TRPM3: variants seen among roughly 807,000 people sequenced by gnomAD.
TRPM3 encodes transient receptor potential cation channel subfamily M member 3, also known as long transient receptor potential channel 3.
Under a neutral mutation model 181.2 loss-of-function variants are expected in TRPM3, and 77 were observed. The observed-to-expected ratio is 0.42, with a 90% confidence interval of 0.35 to 0.51. The LOEUF is 0.51. Among genes scored for constraint, TRPM3 ranks in the 20% least tolerant of loss-of-function variants. The pLI is 0.01. For synonymous variants in TRPM3, 745 were observed against 796.4 expected, an observed-to-expected ratio of 0.94 and a Z score of 1.09; for missense variants, 1,759 against 2,196.7, an observed-to-expected ratio of 0.80 and a Z score of 3.98.
chr9:71,444,675 T>C (rs7020319), intron 1 of TRPM3, among the ~76,000 whole-genome samples: 7,298 of 152,294 alleles, frequency 0.048, 385 homozygotes, highest in East Asian at 0.28. Context: ...ATGTCTGCTA[T>C]AAGCATTATG....
intron 1 of TRPM3, among the ~76,000 whole-genome samples, chr9:71,359,375 G>A (rs932973535): frequency 1.3e-5 from 2 of 152,156 alleles, no homozygotes; most frequent in African/African-American, 4.8e-5. Context: ...ATGAAGAAAG[G>A]GAATTTTAAA....
At chr9:71,211,320 C>A (rs1452107438) in intron 1 of TRPM3, among the ~76,000 whole-genome samples, 3 of 151,276 alleles carry the variant, frequency 2.0e-5, no homozygotes, top group Non-Finnish European at 2.9e-5. Context: ...CTTTGAAATT[C>A]ATTCTTTCTT....
chr9:70,864,639 G>C, intron 1 of TRPM3, 128 bp from the exon 2 acceptor site: 1 of 493,308 alleles, frequency 2.0e-6, no homozygotes, highest in Non-Finnish European at 3.3e-6. Context: ...AAATTGAACT[G>C]AAATTGTGAT....
At chr9:71,320,568 A>C (rs1444874649) in intron 1 of TRPM3, among the ~76,000 whole-genome samples, 1 of 152,142 alleles carries the variant, frequency 6.6e-6, no homozygotes, top group East Asian at 1.9e-4. Context: ...TGGACACCTC[A>C]TTGTTCATCT....
chr9:70,573,214 A>T (rs2132204632), intron 22 of TRPM3, among the ~76,000 whole-genome samples: 1 of 152,350 alleles, frequency 6.6e-6, no homozygotes, highest in East Asian at 1.9e-4. Context: ...ATGCAGACAG[A>T]TGTGAGGCTC....
At chr9:71,000,584 TA>T (rs1203517937) in intron 1 of TRPM3, among the ~76,000 whole-genome samples, 1 of 152,202 alleles carries the variant, frequency 6.6e-6, no homozygotes, top group Non-Finnish European at 1.5e-5. Context: ...AGTTAATAGT[TA>T]AATTTATCTA....
chr9:71,098,611 A>T (rs2067737633), intron 1 of TRPM3, among the ~76,000 whole-genome samples: 1 of 152,194 alleles, frequency 6.6e-6, no homozygotes, highest in Non-Finnish European at 1.5e-5. Flanking sequence ...AGACCTAAGG[A>T]TAATGAATAA....
chr9:70,816,459 G>A (rs61256654), intron 6 of TRPM3, among the ~76,000 whole-genome samples: 46,461 of 152,074 alleles, frequency 0.31, 8,479 homozygotes, highest in African/African-American at 0.51. Context: ...TTTATTCCCT[G>A]AGACAGGTCT....
At chr9:71,186,111 C>T (rs1187932908) in intron 1 of TRPM3, among the ~76,000 whole-genome samples, 2 of 152,022 alleles carry the variant, frequency 1.3e-5, no homozygotes, top group African/African-American at 2.4e-5. Context: ...TAGCATTCAC[C>T]TTGTGCCTCT....
At chr9:70,978,497 C>T (rs1392040259) in intron 1 of TRPM3, among the ~76,000 whole-genome samples, 2 of 152,154 alleles carry the variant, frequency 1.3e-5, no homozygotes, top group Admixed American at 6.5e-5. Flanking sequence ...TCTTTCTCTT[C>T]CAGCAACAAT....
chr9:71,425,783 C>T (rs946854248), intron 1 of TRPM3, among the ~76,000 whole-genome samples: 6 of 152,156 alleles, frequency 3.9e-5, no homozygotes, highest in African/African-American at 1.2e-4. Flanking sequence ...TAAGGGGGTA[C>T]TATACAATCT....
intron 8 of TRPM3, among the ~76,000 whole-genome samples, chr9:70,696,334 T>C (rs2070427977): frequency 6.6e-6 from 1 of 152,234 alleles, no homozygotes. Context: ...CCAGTATGTT[T>C]CTGCATTATT....
intron 7 of TRPM3, among the ~76,000 whole-genome samples, chr9:70,765,116 C>T (rs1232702096): frequency 5.9e-5 from 9 of 152,134 alleles, no homozygotes; most frequent in Admixed American, 2.0e-4. Context: ...ATGATTTGTG[C>T]TAAGTCATAC....
At chr9:71,310,616 G>A (rs539574685) in intron 1 of TRPM3, among the ~76,000 whole-genome samples, 4 of 152,048 alleles carry the variant, frequency 2.6e-5, no homozygotes, top group Admixed American at 6.6e-5. Flanking sequence ...TCACCCAAGG[G>A]GGGTGTCTTG....
intron 1 of TRPM3, among the ~76,000 whole-genome samples, chr9:71,229,507 C>CACAAAATGAAGAGATA (rs1420517959): frequency 6.6e-6 from 1 of 151,992 alleles, no homozygotes; most frequent in Non-Finnish European, 1.5e-5. Flanking sequence ...GGAAATAATC[C>CACAAAATGAAGAGATA]ACAAAATGAA....
intron 1 of TRPM3, among the ~76,000 whole-genome samples, chr9:71,001,382 G>GT (rs1224778419): frequency 6.6e-6 from 1 of 152,092 alleles, no homozygotes; most frequent in Non-Finnish European, 1.5e-5. Context: ...TTTCCCTCAG[G>GT]TTTTTGCATG....
At chr9:71,411,769 A>C (rs1244730225) in intron 1 of TRPM3, among the ~76,000 whole-genome samples, 1 of 152,212 alleles carries the variant, frequency 6.6e-6, no homozygotes, top group Non-Finnish European at 1.5e-5. Flanking sequence ...TATGGAACCA[A>C]AAAAGAGCCT....
intron 1 of TRPM3, among the ~76,000 whole-genome samples, chr9:71,185,802 C>T (rs2077642928): frequency 6.6e-6 from 1 of 152,032 alleles, no homozygotes. Context: ...TGAGCCGGAG[C>T]ACCTTACATA....
intron 1 of TRPM3, among the ~76,000 whole-genome samples, chr9:71,257,585 TTAAGA>T (rs766739719): frequency 5.3e-5 from 8 of 152,184 alleles, no homozygotes; most frequent in Non-Finnish European, 4.4e-5. Context: ...ATTAAGCTAT[TTAAGA>T]TATGTTTTCT....
Sources: gnomAD v4.1 joint callset for allele counts (sites outside exome capture counted in the v4.1 genomes callset) on GRCh38, gnomAD v4.1.1 for gene constraint, MANE v1.5 for transcripts, NCBI Gene and HGNC (gene_info 2026-07-23, HGNC 2026-07-21) for gene names.